The following UBN2 variants were observed in gnomAD, a reference collection of about 807,000 sequenced individuals.
UBN2 encodes the protein ubinuclein-2.
Under a neutral mutation model 120.2 loss-of-function variants are expected in UBN2, and 35 were observed. That is an observed-to-expected ratio of 0.29 (90% CI 0.22 to 0.39). The LOEUF (loss-of-function observed/expected upper bound fraction) is 0.39. UBN2 is among the 10% of genes least tolerant of loss of function. UBN2 has a pLI of 1.00. For synonymous variants in UBN2, 661 were observed against 648.7 expected (o/e 1.02, Z -0.29); for missense variants, 1,693 against 1,663.2 (o/e 1.02, Z -0.31).
intron 2 of UBN2, among the ~76,000 whole-genome samples, chr7:139,240,721 G>A (rs1164717942): frequency 6.6e-6 from 1 of 152,012 alleles, no homozygotes; most frequent in African/African-American, 2.4e-5. Context: ...CCCCTCCATT[G>A]TGTCCTATTT....
At chr7:139,265,285 T>A (rs942131245) in intron 6 of UBN2, among the ~76,000 whole-genome samples, 6 of 152,008 alleles carry the variant, frequency 3.9e-5, no homozygotes, top group African/African-American at 1.4e-4. Context: ...AAGACCATCC[T>A]GGCTAACACG....
chr7:139,260,020 C>T (rs1796882996), intron 5 of UBN2, among the ~76,000 whole-genome samples: 1 of 152,158 alleles, frequency 6.6e-6, no homozygotes, highest in Non-Finnish European at 1.5e-5. Context: ...CTGCCTCCCT[C>T]AGCCTCCCAA....
intron 15 of UBN2, among the ~76,000 whole-genome samples, chr7:139,285,261 C>G (rs1202879946): frequency 2.0e-5 from 3 of 152,108 alleles, no homozygotes; most frequent in African/African-American, 7.2e-5. Context: ...AATACCAGCA[C>G]TTTGGGAGGC....
At chr7:139,234,771 A>C (rs968870746) in intron 1 of UBN2, among the ~76,000 whole-genome samples, 1 of 152,246 alleles carries the variant, frequency 6.6e-6, no homozygotes, top group Non-Finnish European at 1.5e-5. Context: ...TGTAAAAAGA[A>C]AAATAAGTGA....
chr7:139,283,341 G>T lies in UBN2; in HGVS notation c.2436G>T (p.Lys812Asn). The part of the protein sequence containing the change: ...REEKLASIMS[K>N]LPLATPKKLD... ...AAAAATTAGCAAGTATCATGAGTAA[G>T]CTGCCACTAGCTACTCCCAAAAAAC... The change falls in exon 15 of 18, where the codon AAG (lysine) becomes AAT (asparagine). Residue 812 changes from lysine to asparagine, a missense_variant. Lys to Asn is a moderately conservative substitution (Grantham distance 94). This residue lies in a region of UBN2 where 837 missense variants were observed against 817.6 expected (regional missense o/e 1.02). Transcript: ENST00000473989. The T allele has an allele frequency of 6.2e-7, 1 of 1,613,762 alleles. No homozygotes were observed. The highest frequency in any genetic ancestry group is 1.3e-5 in the African/African-American group (1 of 74,928).
Position 139,300,172 on chromosome 7 carries a change from C to A in UBN2, c.*2336C>A, listed in dbSNP as rs1000465488. The stretch of plus-strand genomic sequence containing the variant: ...CTAACCAGTAAAAATATCTGAAGGC[C>A]CTTGGCTCCAAGAATACAATGTGGA... On this transcript the variant is annotated 3_prime_UTR_variant, in exon 18 of 18. Transcript: ENST00000473989. The A allele has an allele frequency of 1.3e-5, 2 of 151,970 alleles. No homozygotes were observed. The highest frequency in any genetic ancestry group is 1.9e-4 in the East Asian group (1 of 5,198). The allele number at this position is 151,970 out of a possible 1,614,324, so 9.4% of individuals were successfully genotyped here.
chr7:139,276,280 C>A, intron 12 of UBN2, 133 bp downstream of exon 12: 1 of 834,856 alleles, frequency 1.2e-6, no homozygotes, highest in Non-Finnish European at 2.0e-6. Flanking sequence ...ATTTAGACTT[C>A]AGAACACATT....
chr7:139,316,783 A>G, the UBN2 span, among the ~76,000 whole-genome samples: 14 of 152,108 alleles, frequency 9.2e-5, no homozygotes, highest in South Asian at 2.9e-3. Context: ...GTGTGTGTAT[A>G]TATATATAAT....
rs763030009 is a variant in UBN2, at chr7:139,284,034, C to T, written c.3129C>T (p.Pro1043=). 1.9e-6 allele frequency: 3 copies of T among 1,614,002 alleles called. No homozygotes were observed. Residue 1043 remains proline, a synonymous_variant, in exon 15 of 18, where the codon CCC becomes CCT. Coordinates refer to ENST00000473989, the MANE Select transcript of UBN2 (RefSeq NM_173569.4). ...CCTCCCCAAAACTTGCCGCATCTCC[C>T]AAGCCTGCCACATCTCCTAAACCCC... The part of the protein sequence containing the change: ...MAASPKLAAS[P]KPATSPKPLP...
intron 8 of UBN2, among the ~76,000 whole-genome samples, chr7:139,270,698 T>A (rs1341914174): frequency 1.3e-5 from 2 of 152,222 alleles, no homozygotes; most frequent in South Asian, 2.1e-4. Flanking sequence ...AGCTAAATAA[T>A]TCTTCAAAAG....
chr7:139,285,963 T>C (rs1797775649), intron 15 of UBN2, among the ~76,000 whole-genome samples: 1 of 152,106 alleles, frequency 6.6e-6, no homozygotes, highest in South Asian at 2.1e-4. Context: ...GAGTCTTCTC[T>C]GTTGCCAGGC....
intron 2 of UBN2, among the ~76,000 whole-genome samples, chr7:139,249,606 T>G (rs1246049037): frequency 6.6e-6 from 1 of 152,184 alleles, no homozygotes; most frequent in Non-Finnish European, 1.5e-5. Flanking sequence ...TGACTAGAGA[T>G]TTACATCTTG....
At chr7:139,286,526 T>C (rs1457412409) in intron 15 of UBN2, among the ~76,000 whole-genome samples, 1 of 152,198 alleles carries the variant, frequency 6.6e-6, no homozygotes, top group East Asian at 1.9e-4. Context: ...TGAAGGCAAA[T>C]TTAGAAAAAA....
chr7:139,271,785 T>C (rs1797283150), intron 8 of UBN2, among the ~76,000 whole-genome samples: 1 of 152,194 alleles, frequency 6.6e-6, no homozygotes, highest in African/African-American at 2.4e-5. Context: ...GAATAAGAGT[T>C]TTTGGGTTCC....
chr7:139,261,764 T>C (rs1302500951), intron 6 of UBN2, 23 bp downstream of exon 6: 1 of 1,588,108 alleles, frequency 6.3e-7, no homozygotes, highest in East Asian at 2.3e-5. Context: ...ATTCTCTTGC[T>C]TTTTATTTGC....
At chr7:139,266,675 G>A (rs937765245) in intron 7 of UBN2, among the ~76,000 whole-genome samples, 6 of 152,186 alleles carry the variant, frequency 3.9e-5, no homozygotes, top group Admixed American at 1.3e-4. Flanking sequence ...TAGACTTAAC[G>A]TACTTCATAC....
At chr7:139,275,277 CAAA>C (rs758714682) in intron 11 of UBN2, among the ~76,000 whole-genome samples, 2 of 44,896 alleles carry the variant, frequency 4.5e-5, no homozygotes, top group South Asian at 1.5e-3. Context: ...AACTCTGTCT[CAAA>C]AAAAAAAAAA....
In UBN2 at chr7:139,304,783, G is replaced by A. The variant is rs1215160010; in HGVS notation, c.*6947G>A. The A allele has an allele frequency of 6.7e-6, 1 of 150,042 alleles. No homozygotes were observed. The highest frequency in any genetic ancestry group is 1.5e-5 in the Non-Finnish European group (1 of 67,882). 9.3% of individuals were successfully genotyped at this position (150,042 alleles called of 1,614,324 possible). On this transcript the variant is annotated 3_prime_UTR_variant, in exon 18 of 18. Coordinates refer to ENST00000473989, the MANE Select transcript of UBN2 (RefSeq NM_173569.4). ...GATTTTTGTTGCTTTTTCCAGATAA[G>A]GCCTTAGTAGCCTCTAAATATCAAC...
chr7:139,252,095 GT>G, intron 3 of UBN2, 38 bp downstream of exon 3: 1 of 1,535,232 alleles, frequency 6.5e-7, no homozygotes, highest in Non-Finnish European at 9.0e-7. Flanking sequence ...CAAATTCATT[GT>G]TTGTATGGGA....
Sources: allele counts gnomAD v4.1 joint callset (sites outside exome capture counted in the v4.1 genomes callset), GRCh38; gene constraint gnomAD v4.1.1; regional missense constraint gnomAD v4.1.1; transcripts MANE v1.5; gene names NCBI Gene and HGNC (gene_info 2026-07-23, HGNC 2026-07-21).